The following RALGPS2 variants were observed in gnomAD, a reference collection of about 807,000 sequenced individuals.
RALGPS2 encodes ras-specific guanine nucleotide-releasing factor RalGPS2.
Under a neutral mutation model 86.8 loss-of-function variants are expected in RALGPS2, and 43 were observed. That is an observed-to-expected ratio of 0.50 (90% CI 0.39 to 0.64). The LOEUF (loss-of-function observed/expected upper bound fraction) is 0.64, where lower values mean the gene tolerates loss of function less well. Ranked by LOEUF, RALGPS2 falls within the 30% of genes least tolerant of loss-of-function variation. The probability of loss-of-function intolerance (pLI) is 0.00; values close to 1 mark genes in which losing one functional copy is unlikely to be tolerated. For synonymous variants in RALGPS2, 243 were observed against 231.3 expected (o/e 1.05, Z -0.46); for missense variants, 536 against 694.6 (o/e 0.77, Z 2.57).
Position 178,883,545 on chromosome 1 carries a change from G to A in RALGPS2, c.904+12G>A, listed in dbSNP as rs1000165373. ...AGAAGATTTAGTAGGTCAGTACGTA[G>A]TTTTCTCTTGTTACCAAATCTAAAT... On this transcript the variant is annotated intron_variant, in intron 11 of 19. Transcript: ENST00000367635. The A allele has an allele frequency of 6.3e-7, 1 of 1,592,188 alleles. No individual in the cohort carries two copies. The highest frequency in any genetic ancestry group is 8.6e-7 in the Non-Finnish European group (1 of 1,160,636).
chr1:178,836,567 T>A (rs1293707131), intron 8 of RALGPS2, among the ~76,000 whole-genome samples: 1 of 152,194 alleles, frequency 6.6e-6, no homozygotes, highest in Non-Finnish European at 1.5e-5. Flanking sequence ...GACTTCCTGG[T>A]TGAAACATTT....
rs1659346621 is a variant in RALGPS2 at position 178,883,452 on chromosome 1, T to G, written c.837-14T>G. On this transcript the variant is annotated splice_polypyrimidine_tract_variant and intron_variant, in intron 10 of 19. Coordinates refer to ENST00000367635, the MANE Select transcript of RALGPS2 (RefSeq NM_152663.5). Reference sequence around the variant, plus strand: ...AATTAATCATTGTATGTATTTTGTCTTTTTAAAATTCAGGCTTTCATTAAA... The same window carrying G: ...AATTAATCATTGTATGTATTTTGTCGTTTTAAAATTCAGGCTTTCATTAAA... 1 of 1,593,098 alleles carries G rather than the reference T, an allele frequency of 6.3e-7. No individual in the cohort carries two copies. The highest frequency in any genetic ancestry group is 8.6e-7 in the Non-Finnish European group (1 of 1,161,254).
At chr1:178,885,887 T>C (rs1659459604) in intron 12 of RALGPS2, 82 bp from the exon 13 acceptor site, 3 of 1,202,438 alleles carry the variant, frequency 2.5e-6, no homozygotes, top group East Asian at 5.2e-5. Context: ...GTAAATCTTT[T>C]ATGTCCTAAA....
Position 178,902,110 on chromosome 1 carries a change from A to C in RALGPS2, c.1529A>C (p.Lys510Thr). The change falls in exon 18 of 20, where the codon AAA becomes ACA. Residue 510 changes from lysine (K) to threonine (T), a missense_variant. Coordinates refer to ENST00000367635, the MANE Select transcript of RALGPS2 (RefSeq NM_152663.5). ...SLKATERKHFKSTSNKNVSVI... is the reference protein window; with the variant it reads ...SLKATERKHFTSTSNKNVSVI... Reference sequence around the variant, plus strand: ...AATTATCTTTTTTTCTCTCAGTTCAAATCAACATCCAATAAGAACGTATCT... The same window carrying C: ...AATTATCTTTTTTTCTCTCAGTTCACATCAACATCCAATAAGAACGTATCT... 1 of 1,610,904 alleles carries C rather than the reference A, an allele frequency of 6.2e-7. No homozygotes were observed. The highest frequency in any genetic ancestry group is 8.5e-7 in the Non-Finnish European group (1 of 1,177,556).
At chr1:178,817,497 TTCCAA>T (rs1254688848) in intron 6 of RALGPS2, among the ~76,000 whole-genome samples, 11 of 152,180 alleles carry the variant, frequency 7.2e-5, no homozygotes, top group Non-Finnish European at 1.5e-5. Flanking sequence ...TCTATTCTTA[TTCCAA>T]TATCTCTTTG....
intron 8 of RALGPS2, among the ~76,000 whole-genome samples, chr1:178,872,741 G>A (rs1360767388): frequency 7.9e-5 from 12 of 152,204 alleles, no homozygotes; most frequent in Admixed American, 7.9e-4. Flanking sequence ...ACTTTCAGCA[G>A]TTTGGAGCTT....
intron 8 of RALGPS2, among the ~76,000 whole-genome samples, chr1:178,842,763 G>T (rs1328379063): frequency 5.3e-4 from 79 of 149,554 alleles, no homozygotes; most frequent in African/African-American, 1.5e-3. Flanking sequence ...TCTGACAAAG[G>T]GCTAATATCC....
At chr1:178,873,627 G>A (rs747956872) in intron 8 of RALGPS2, among the ~76,000 whole-genome samples, 5 of 152,082 alleles carry the variant, frequency 3.3e-5, no homozygotes, top group Non-Finnish European at 7.4e-5. Flanking sequence ...AAGAAATTTT[G>A]TACATGTGTA....
At chr1:178,843,661 A>G (rs1656720880) in intron 8 of RALGPS2, among the ~76,000 whole-genome samples, 1 of 152,024 alleles carries the variant, frequency 6.6e-6, no homozygotes, top group Non-Finnish European at 1.5e-5. Context: ...AATTAAAAAA[A>G]AAAAAAGAAA....
intron 4 of RALGPS2, among the ~76,000 whole-genome samples, chr1:178,800,967 C>T (rs960754775): frequency 6.6e-6 from 1 of 151,204 alleles, no homozygotes; most frequent in Non-Finnish European, 1.5e-5. Flanking sequence ...CGCTCTGTTG[C>T]CCAGGCTGGA....
In RALGPS2 at chr1:178,916,451, G is replaced by C. The variant is rs1660819397; in HGVS notation, c.*92G>C. 3 of 1,247,740 alleles carry C rather than the reference G, an allele frequency of 2.4e-6. No homozygotes were observed. Among genetic ancestry groups the C allele is most frequent in the South Asian group, 1.4e-5 (1 of 72,690 alleles). The allele number at this position is 1,247,740 out of a possible 1,614,324, so 77.3% of individuals were successfully genotyped here. ...GCCAGCTATAAACCATCCTGTGCCAGGAAGAGCCCAGAGGCTCTGTCTCAG... is the reference window on the plus strand; with the variant it reads ...GCCAGCTATAAACCATCCTGTGCCACGAAGAGCCCAGAGGCTCTGTCTCAG... On this transcript the variant is annotated 3_prime_UTR_variant, in exon 20 of 20. Transcript: ENST00000367635.
chr1:178,892,432 T>C (rs751875708), intron 15 of RALGPS2, 125 bp downstream of exon 15: 4 of 747,042 alleles, frequency 5.4e-6, no homozygotes, highest in African/African-American at 1.8e-5. Flanking sequence ...CTAAACAAAT[T>C]ACCTAGAAAA....
chr1:178,838,842 A>G (rs1656426871), intron 8 of RALGPS2, among the ~76,000 whole-genome samples: 1 of 152,220 alleles, frequency 6.6e-6, no homozygotes, highest in South Asian at 2.1e-4. Context: ...GCTGAAAACC[A>G]TGGCACAAGA....
intron 13 of RALGPS2, 82 bp downstream of exon 13, chr1:178,886,202 C>A: frequency 2.1e-6 from 3 of 1,401,846 alleles, no homozygotes; most frequent in East Asian, 2.4e-5. Context: ...AAAACCCCAC[C>A]CACACACAGA....
chr1:178,785,735 T>C lies in RALGPS2; in HGVS notation c.213+128T>C, dbSNP rs1181583844. On this transcript the variant is annotated intron_variant, in intron 4 of 19. Transcript: ENST00000367635. The stretch of plus-strand genomic sequence containing the variant: ...TTTGAAGCTTGTGTTGTAACTTATC[T>C]ACATACTGTTTGGGCCTCAGAAACC... 10 of 1,238,608 alleles carry C rather than the reference T, an allele frequency of 8.1e-6. No homozygotes were observed. The African/African-American group carries it at 1.2e-4, about 15-fold the overall frequency. The allele number at this position is 1,238,608 out of a possible 1,614,324, so 76.7% of individuals were successfully genotyped here. A position where few individuals can be genotyped will look rare whatever the true frequency, so the allele number is the denominator to read the frequency against.
intron 8 of RALGPS2, among the ~76,000 whole-genome samples, chr1:178,859,473 G>A (rs1408231614): frequency 2.1e-5 from 3 of 140,754 alleles, no homozygotes; most frequent in Non-Finnish European, 3.0e-5. Flanking sequence ...TCACGATCTC[G>A]GCTCACTGCA....
chr1:178,847,755 C>T (rs1656937281), intron 8 of RALGPS2, among the ~76,000 whole-genome samples: 1 of 152,072 alleles, frequency 6.6e-6, no homozygotes, highest in Admixed American at 6.5e-5. Flanking sequence ...AAATATAATG[C>T]TAAGAGAATA....
At chr1:178,732,044 C>G (rs886869408) in intron 1 of RALGPS2, among the ~76,000 whole-genome samples, 5 of 152,078 alleles carry the variant, frequency 3.3e-5, no homozygotes, top group Non-Finnish European at 7.4e-5. Context: ...TATGGATAGA[C>G]ACATGATGGT....
At chr1:178,834,587 C>T (rs755414972) in intron 8 of RALGPS2, among the ~76,000 whole-genome samples, 2 of 152,172 alleles carry the variant, frequency 1.3e-5, no homozygotes, top group Non-Finnish European at 2.9e-5. Context: ...GTGTTGAAGG[C>T]AGAATACCCC....
Sources: gnomAD v4.1 joint callset for allele counts (sites outside exome capture counted in the v4.1 genomes callset) on GRCh38, gnomAD v4.1.1 for gene constraint, MANE v1.5 for transcripts, NCBI Gene and HGNC (gene_info 2026-07-23, HGNC 2026-07-21) for gene names.